RGL1: variants seen among roughly 807,000 people sequenced by gnomAD.
RGL1 encodes ral guanine nucleotide dissociation stimulator-like 1.
RGL1 carries 24 observed loss-of-function variants against 95.2 expected under a neutral mutation model. The observed-to-expected ratio is 0.25, with a 90% CI of 0.18 to 0.35. The LOEUF (loss-of-function observed/expected upper bound fraction) is 0.35. Among genes scored for constraint, RGL1 ranks in the 10% least tolerant of loss-of-function variants. The pLI is 1.00. For missense variants in RGL1, 715 were observed against 936.3 expected (o/e 0.76, Z 3.08); for synonymous variants, 329 against 344.9 (o/e 0.95, Z 0.51).
rs1666357188 is a variant in RGL1 at position 183,874,266 on chromosome 1, G to A, written c.426-6350G>A. On this transcript the variant is annotated intron_variant, in intron 4 of 17. Coordinates refer to ENST00000360851, the MANE Select transcript of RGL1 (RefSeq NM_001297671.3). ...ACACAGTGAATAAATGAAAGAGCTG[G>A]GATTTAACCGAGGCCTTAACCTCTG... is the stretch of plus-strand genomic sequence containing the variant. Among the ~76,000 whole-genome samples, 5 of 151,968 alleles carry A rather than the reference G, an allele frequency of 3.3e-5. No individual in the cohort carries two copies. In the South Asian group the frequency reaches 1.0e-3, roughly 32 times the overall value.
Position 183,675,956 on chromosome 1 carries a change from G to A in RGL1, c.-33+39455G>A, listed in dbSNP as rs138159545. Among the ~76,000 whole-genome samples, 532 of 152,094 alleles carry A rather than the reference G, an allele frequency of 3.5e-3. 2 individuals carry two copies. The highest frequency in any genetic ancestry group is 6.8e-3 in the Middle Eastern group (2 of 294). ...AGCCCAGGAGTTTGAGACCAGCCTC[G>A]GCAACGTAATGAGCACAGGTCTCTA... On this transcript the variant is annotated intron_variant, in intron 1 of 18. Transcript: ENST00000304685.
intron 2 of RGL1, among the ~76,000 whole-genome samples, chr1:183,842,785 TCC>T (rs1664152731): frequency 6.6e-6 from 1 of 152,228 alleles, no homozygotes; most frequent in African/African-American, 2.4e-5. Context: ...TGACAAGGGT[TCC>T]ACCCCTTTCG....
intron 2 of RGL1, among the ~76,000 whole-genome samples, chr1:183,750,305 A>T (rs1005076924): frequency 6.6e-6 from 1 of 152,106 alleles, no homozygotes; most frequent in African/African-American, 2.4e-5. Flanking sequence ...TTATTTCATT[A>T]AGTTGATCTT....
intron 3 of RGL1, among the ~76,000 whole-genome samples, chr1:183,852,740 G>A (rs1031220056): frequency 6.6e-6 from 1 of 152,182 alleles, no homozygotes. Context: ...TTGAACCTGG[G>A]AGGCAGAAGT....
chr1:183,856,686 T>C (rs770980605), intron 3 of RGL1, among the ~76,000 whole-genome samples: 1 of 150,984 alleles, frequency 6.6e-6, no homozygotes, highest in Non-Finnish European at 1.5e-5. Flanking sequence ...GGTAGATTGC[T>C]GAAAGATAAA....
intron 1 of RGL1, among the ~76,000 whole-genome samples, chr1:183,679,170 T>C (rs1167360621): frequency 1.3e-5 from 2 of 152,228 alleles, no homozygotes; most frequent in African/African-American, 2.4e-5. Context: ...TTTAAATTTC[T>C]ACCTAAGTTA....
At chr1:183,685,897 C>T (rs921773909) in intron 1 of RGL1, among the ~76,000 whole-genome samples, 10 of 152,256 alleles carry the variant, frequency 6.6e-5, no homozygotes, top group South Asian at 2.1e-4. Context: ...TAGTTAAATA[C>T]GTGGGACCAT....
intron 5 of RGL1, among the ~76,000 whole-genome samples, 172 bp downstream of exon 5, chr1:183,880,972 TAGAG>T (rs1214417712): frequency 1.3e-5 from 2 of 152,150 alleles, no homozygotes; most frequent in Non-Finnish European, 2.9e-5. Context: ...AAGTACTAAT[TAGAG>T]AGCCTAGAAT....
intron 2 of RGL1, among the ~76,000 whole-genome samples, chr1:183,807,080 C>G (rs1661395117): frequency 6.6e-6 from 1 of 152,136 alleles, no homozygotes; most frequent in African/African-American, 2.4e-5. Flanking sequence ...GTAAACAGGA[C>G]TCTTTTCCAC....
intron 3 of RGL1, among the ~76,000 whole-genome samples, chr1:183,848,092 G>A (rs980037142): frequency 2.6e-5 from 4 of 152,114 alleles, no homozygotes; most frequent in African/African-American, 9.7e-5. Context: ...ATATTATTCA[G>A]TAAATAATCA....
intron 4 of RGL1, among the ~76,000 whole-genome samples, chr1:183,875,603 C>T (rs764198688): frequency 5.3e-5 from 8 of 151,978 alleles, no homozygotes; most frequent in East Asian, 1.9e-4. Context: ...TGGCCAGCTG[C>T]GGTGGCTCAT....
At position 183,858,415 on chromosome 1, in the gene RGL1, A is replaced by C. The variant is rs192498566; in HGVS notation, c.348-7581A>C. Among the ~76,000 whole-genome samples the C allele has an allele frequency of 2.9e-3, 441 of 152,292 alleles. 2 individuals carry two copies. Among genetic ancestry groups the C allele is most frequent in the African/African-American group, 0.01 (429 of 41,560 alleles). ...GACCCTGGGTTATGATCCCCTAGGC[A>C]AAGTGTCCCTAGCGTGGTAACAGGG... On this transcript the variant is annotated intron_variant, in intron 3 of 17. Transcript: ENST00000360851.
intron 9 of RGL1, among the ~76,000 whole-genome samples, chr1:183,897,538 G>A (rs1268115656): frequency 6.7e-6 from 1 of 148,874 alleles, no homozygotes; most frequent in Non-Finnish European, 1.5e-5. Flanking sequence ...AGCAGAGTGA[G>A]ACTTCGTCTC....
At chr1:183,640,803 T>C (rs1649873058) in intron 1 of RGL1, among the ~76,000 whole-genome samples, 1 of 152,216 alleles carries the variant, frequency 6.6e-6, no homozygotes, top group Admixed American at 6.5e-5. Flanking sequence ...TTTGCTAGAA[T>C]TGTGAAAAGA....
intron 1 of RGL1, among the ~76,000 whole-genome samples, chr1:183,717,421 C>T (rs1655689781): frequency 6.6e-6 from 1 of 152,034 alleles, no homozygotes. Context: ...AAAAGTTTTG[C>T]TTTTTATGTT....
At chr1:183,828,422 G>A (rs1171932357) in intron 2 of RGL1, among the ~76,000 whole-genome samples, 1 of 152,142 alleles carries the variant, frequency 6.6e-6, no homozygotes, top group Admixed American at 6.5e-5. Context: ...TTAACTACTT[G>A]GCATGTGTGG....
chr1:183,722,845 G>T (rs981733701), intron 1 of RGL1, among the ~76,000 whole-genome samples: 1 of 134,986 alleles, frequency 7.4e-6, no homozygotes, highest in Non-Finnish European at 1.7e-5. Context: ...GAAGGAAAAT[G>T]ATACCTGATG....
At chr1:183,645,099 A>G (rs371818697) in intron 1 of RGL1, among the ~76,000 whole-genome samples, 2 of 152,180 alleles carry the variant, frequency 1.3e-5, no homozygotes, top group Non-Finnish European at 2.9e-5. Context: ...TGAGTCACAT[A>G]ATGGACTCCT....
chr1:183,880,627 C>G lies in RGL1; in HGVS notation c.437C>G (p.Ser146Cys), dbSNP rs896770969. The change falls in exon 5 of 18, where the codon TCC (serine) becomes TGC (cysteine). Residue 146 changes from serine to cysteine, a missense_variant. Ser to Cys is a moderately radical substitution (Grantham distance 112, BLOSUM62 -1). Coordinates refer to ENST00000360851, the MANE Select transcript of RGL1 (RefSeq NM_001297671.3). ...SKMVIRNAIA[S>C]ILRAWLDQCA... ...TTTGTCTTTCTCAGTGCAATCGCTT[C>G]CATACTAAGGGCCTGGCTTGACCAG... 1.9e-6 allele frequency: 3 copies of G among 1,613,554 alleles called. No homozygotes were observed. Among genetic ancestry groups the G allele is most frequent in the Non-Finnish European group, 2.5e-6 (3 of 1,179,792 alleles).
Sources: allele counts gnomAD v4.1 joint callset (sites outside exome capture counted in the v4.1 genomes callset), GRCh38; gene constraint gnomAD v4.1.1; transcripts MANE v1.5; gene names NCBI Gene and HGNC (gene_info 2026-07-23, HGNC 2026-07-21).